STS: variants seen among roughly 807,000 people sequenced by gnomAD.
STS encodes the protein steryl-sulfatase.
In STS, 7 loss-of-function variants were observed where a neutral mutation model predicts 26.8. The ratio of observed to expected loss-of-function variants is 0.26; its 90% CI spans 0.15 to 0.49. The LOEUF (loss-of-function observed/expected upper bound fraction) is 0.49. Among genes scored for constraint, STS ranks in the 20% least tolerant of loss-of-function variants. The probability of loss-of-function intolerance (pLI) is 0.98; values close to 1 mark genes in which losing one functional copy is unlikely to be tolerated. For synonymous variants in STS, 199 were observed against 189.4 expected, an observed-to-expected ratio of 1.05 and a Z score of -0.42; for missense variants, 434 against 465.6, an observed-to-expected ratio of 0.93 and a Z score of 0.63.
intron 1 of STS, among the ~76,000 whole-genome samples, chrX:7,165,954 G>A (rs992477180): frequency 9.0e-6 from 1 of 110,633 alleles, no homozygotes. Flanking sequence ...ACTTTGTGTG[G>A]TGCCTCATAT....
intron 8 of STS, among the ~76,000 whole-genome samples, chrX:7,318,845 G>A (rs1475778928): frequency 1.8e-5 from 2 of 111,010 alleles, no homozygotes; most frequent in Non-Finnish European, 1.9e-5. Context: ...ACCTGAGCAG[G>A]GGTAAGCTAC....
At chrX:7,222,327 G>A (rs1921604987) in intron 2 of STS, among the ~76,000 whole-genome samples, 2 of 111,412 alleles carry the variant, frequency 1.8e-5, no homozygotes, top group Non-Finnish European at 3.8e-5. Flanking sequence ...CATGTTGTTT[G>A]AATTTGGATC....
At chrX:7,249,256 G>A (rs193275048) in intron 2 of STS, among the ~76,000 whole-genome samples, 257 of 110,741 alleles carry the variant, frequency 2.3e-3, no homozygotes, top group African/African-American at 8.0e-3. Context: ...TTAATCCAAG[G>A]GGGAAAAAGT....
chrX:7,191,406 A>G (rs1209862222), intron 2 of STS, among the ~76,000 whole-genome samples: 1 of 112,219 alleles, frequency 8.9e-6, no homozygotes, highest in Non-Finnish European at 1.9e-5. Context: ...CTCTAGTTGA[A>G]TCAGCAAAGG....
intron 2 of STS, among the ~76,000 whole-genome samples, chrX:7,248,439 A>T (rs183306134): frequency 1.9e-3 from 209 of 111,740 alleles, no homozygotes; most frequent in African/African-American, 6.5e-3. Flanking sequence ...CAAGCTAAAC[A>T]TGCAAGCATA....
In STS at chrX:7,241,573, A is replaced by G. The variant is rs777178309; in HGVS notation, c.-4-11623A>G. On this transcript the variant is annotated intron_variant, in intron 2 of 10. Coordinates refer to ENST00000674429, the MANE Select transcript of STS (RefSeq NM_001320752.2). ...ATTACTAATGAAACATGTTCTTAAA[A>G]TAAGTTCAACATGACATTTCAGAGC... is the stretch of plus-strand genomic sequence containing the variant. Among the ~76,000 whole-genome samples, 18 of 112,313 alleles carry G rather than the reference A, an allele frequency of 1.6e-4. 2 individuals carry two copies. The South Asian group carries it at 6.6e-3, about 41-fold the overall frequency.
In STS at chrX:7,229,705, C is replaced by G. The variant is rs755468071; in HGVS notation, c.-4-23491C>G. Among the ~76,000 whole-genome samples, 70 of 110,917 alleles carry G rather than the reference C, an allele frequency of 6.3e-4. 2 individuals are homozygous for G. In the Admixed American group the frequency reaches 6.6e-3, roughly 10 times the overall value. ...CTCATCAGGATGCTGATCTGCCGTG[C>G]CAGCCTACCTACACCCAGTCGTTAA... On this transcript the variant is annotated intron_variant, in intron 2 of 10. Coordinates refer to ENST00000674429, the MANE Select transcript of STS (RefSeq NM_001320752.2).
intron 7 of STS, among the ~76,000 whole-genome samples, chrX:7,289,575 C>T (rs1195423921): frequency 8.9e-6 from 1 of 111,745 alleles, no homozygotes; most frequent in Non-Finnish European, 1.9e-5. Flanking sequence ...CCTGTGGGTC[C>T]TTACCTGTGG....
intron 2 of STS, among the ~76,000 whole-genome samples, chrX:7,247,684 C>T (rs965208171): frequency 2.7e-5 from 3 of 112,010 alleles, no homozygotes; most frequent in Admixed American, 9.5e-5. Context: ...CTCCCTTTCT[C>T]CCAGCAATGG....
intron 7 of STS, among the ~76,000 whole-genome samples, chrX:7,299,061 T>TTATTTATA (rs1925818259): frequency 1.1e-5 from 1 of 92,794 alleles, no homozygotes; most frequent in Non-Finnish European, 2.1e-5. Flanking sequence ...ATAAATATAT[T>TTATTTATA]TATTTATATA....
rs907997407 is a variant in STS at position 7,350,244 on chromosome X, A to G, written c.1720A>G (p.Lys574Glu). The G allele has an allele frequency of 8.3e-7, 1 of 1,209,596 alleles. No individual in the cohort carries two copies. The highest frequency in any genetic ancestry group is 1.1e-6 in the Non-Finnish European group (1 of 894,457). The part of the protein sequence containing the change: ...SCQCDREKQD[K>E]RLSR The stretch of plus-strand genomic sequence containing the variant: ...CCAGTGTGATAGAGAAAAACAGGAT[A>G]AGAGACTGAGCCGCTAGCAGCGCCT... Residue 574 changes from lysine to glutamate, a missense_variant, in exon 11 of 11, where the codon AAG becomes GAG. Coordinates refer to ENST00000674429, the MANE Select transcript of STS (RefSeq NM_001320752.2).
chrX:7,350,439 A>AG lies in STS; in HGVS notation c.*183dup. 1 of 594,463 alleles carries AG rather than the reference A, an allele frequency of 1.7e-6. No homozygotes were observed. Among genetic ancestry groups the AG allele is most frequent in the Non-Finnish European group, 2.6e-6 (1 of 382,609 alleles). The allele number at this position is 594,463 out of a possible 1,213,427, so 49.0% of individuals were successfully genotyped here. A position where few individuals can be genotyped will look rare whatever the true frequency, so the allele number is the denominator to read the frequency against. Reference sequence around the variant, plus strand: ...CAACAGCTACTCAACTGGAGGGGTGAGGGGGATAAGGTCTGTAGTATACAG... The same window carrying AG: ...CAACAGCTACTCAACTGGAGGGGTGAGGGGGGATAAGGTCTGTAGTATACAG... On this transcript the variant is annotated 3_prime_UTR_variant, in exon 11 of 11. Transcript: ENST00000674429.
intron 8 of STS, among the ~76,000 whole-genome samples, chrX:7,318,590 C>A (rs1196794105): frequency 9.0e-6 from 1 of 111,685 alleles, no homozygotes; most frequent in Non-Finnish European, 1.9e-5. Context: ...GGATACATTT[C>A]TTTAGGACCT....
At chrX:7,281,030 G>A (rs190599852) in intron 7 of STS, among the ~76,000 whole-genome samples, 19 of 111,842 alleles carry the variant, frequency 1.7e-4, no homozygotes, top group African/African-American at 5.8e-4. Context: ...GCCAGGCATG[G>A]TGTCACATGC....
intron 1 of STS, among the ~76,000 whole-genome samples, chrX:7,148,397 G>A (rs1267942086): frequency 8.9e-6 from 1 of 112,930 alleles, no homozygotes; most frequent in Non-Finnish European, 1.9e-5. Context: ...CTTCACACCC[G>A]GAATCGGGCC....
At chrX:7,186,846 G>A (rs1005805230) in intron 1 of STS, among the ~76,000 whole-genome samples, 6 of 111,970 alleles carry the variant, frequency 5.4e-5, no homozygotes, top group Non-Finnish European at 7.5e-5. Context: ...GTGCTCAGGA[G>A]ATTTTTTGTG....
intron 8 of STS, among the ~76,000 whole-genome samples, chrX:7,311,039 T>G (rs1032443216): frequency 8.9e-6 from 1 of 112,232 alleles, no homozygotes; most frequent in African/African-American, 3.2e-5. Context: ...TTGATGGGCT[T>G]GTTTTATTTT....
At chrX:7,289,120 A>G (rs1203849355) in intron 7 of STS, among the ~76,000 whole-genome samples, 1 of 111,752 alleles carries the variant, frequency 8.9e-6, no homozygotes, top group African/African-American at 3.3e-5. Flanking sequence ...TTCAACTGCT[A>G]GAGCTGTCAA....
intron 1 of STS, among the ~76,000 whole-genome samples, chrX:7,183,302 G>A (rs781593561): frequency 8.9e-6 from 1 of 111,881 alleles, no homozygotes; most frequent in South Asian, 3.8e-4. Flanking sequence ...TCCAGCAAAT[G>A]TTTAGTAAGA....
Sources: allele counts gnomAD v4.1 joint callset (sites outside exome capture counted in the v4.1 genomes callset), GRCh38; gene constraint gnomAD v4.1.1; transcripts MANE v1.5; gene names NCBI Gene and HGNC (gene_info 2026-07-23, HGNC 2026-07-21).